The following ANO6 variants were observed in gnomAD, a reference collection of about 807,000 sequenced individuals.
ANO6 encodes anoctamin 6.
Under a neutral mutation model 117.5 loss-of-function variants are expected in ANO6, and 106 were observed. The ratio of observed to expected loss-of-function variants is 0.90; its 90% CI spans 0.77 to 1.06. The LOEUF (loss-of-function observed/expected upper bound fraction) is 1.06, where lower values mean the gene tolerates loss of function less well. Among genes scored for constraint, ANO6 ranks in the 50% least tolerant of loss-of-function variants. ANO6 has a pLI of 0.00. For missense variants in ANO6, 955 were observed against 1,121.1 expected, an observed-to-expected ratio of 0.85 and a Z score of 2.12; for synonymous variants, 367 against 385.1, an observed-to-expected ratio of 0.95 and a Z score of 0.55.
chr12:45,410,124 G>C (rs1421413936), intron 16 of ANO6, among the ~76,000 whole-genome samples: 4 of 151,636 alleles, frequency 2.6e-5, no homozygotes, highest in Admixed American at 2.0e-4. Context: ...ACTGTAATTA[G>C]ATGTGATTCA....
chr12:45,261,292 C>T (rs1192226734), intron 1 of ANO6, among the ~76,000 whole-genome samples: 2 of 152,208 alleles, frequency 1.3e-5, no homozygotes, highest in Non-Finnish European at 2.9e-5. Flanking sequence ...TCTTCCCATT[C>T]TCCTATGATG....
intron 2 of ANO6, among the ~76,000 whole-genome samples, chr12:45,326,011 C>T (rs1039174335): frequency 1.3e-5 from 2 of 152,078 alleles, no homozygotes; most frequent in Non-Finnish European, 2.9e-5. Context: ...TACTGAAAAT[C>T]CTATGAGAAC....
At chr12:45,381,932 T>C (rs1413962320) in intron 10 of ANO6, among the ~76,000 whole-genome samples, 1 of 151,938 alleles carries the variant, frequency 6.6e-6, no homozygotes, top group African/African-American at 2.4e-5. Flanking sequence ...AGATAGATAC[T>C]AGATAGGTAC....
intron 1 of ANO6, among the ~76,000 whole-genome samples, chr12:45,285,705 G>A (rs7310046): frequency 0.84 from 125,586 of 149,772 alleles, 53,817 homozygotes; most frequent in Non-Finnish European, 0.94. Context: ...CTCCAGCCTA[G>A]CAACAGAACA....
intron 1 of ANO6, among the ~76,000 whole-genome samples, chr12:45,264,588 A>G (rs748388721): frequency 1.3e-5 from 2 of 152,352 alleles, no homozygotes; most frequent in Non-Finnish European, 2.9e-5. Context: ...GATGATTAAT[A>G]TTGAGAGTAG....
intron 1 of ANO6, among the ~76,000 whole-genome samples, chr12:45,247,146 A>G (rs928091979): frequency 2.6e-5 from 4 of 151,938 alleles, no homozygotes; most frequent in African/African-American, 4.8e-5. Context: ...GGCTGGTCTC[A>G]AACTCCTGAC....
downstream of ANO6, among the ~76,000 whole-genome samples, chr12:45,436,263 C>A (rs1481032762): frequency 1.3e-5 from 2 of 152,202 alleles, no homozygotes; most frequent in African/African-American, 2.4e-5. Context: ...CCAATCAGGG[C>A]ATAGCTGAAG....
intron 3 of ANO6, among the ~76,000 whole-genome samples, chr12:45,337,991 C>T (rs983417554): frequency 1.3e-5 from 2 of 151,832 alleles, no homozygotes; most frequent in Non-Finnish European, 2.9e-5. Context: ...TAATTAAAGA[C>T]TAAATCAGGG....
intron 19 of ANO6, among the ~76,000 whole-genome samples, chr12:45,427,753 A>T (rs996609418): frequency 6.6e-6 from 1 of 150,850 alleles, no homozygotes; most frequent in Non-Finnish European, 1.5e-5. Context: ...AAAAAAAAAA[A>T]GCCTGATCCA....
At chr12:45,262,598 AT>A (rs1051473414) in intron 1 of ANO6, among the ~76,000 whole-genome samples, 26 of 151,852 alleles carry the variant, frequency 1.7e-4, no homozygotes, top group Non-Finnish European at 3.2e-4. Context: ...CTAATTTTGT[AT>A]TTTTAGTAGA....
At chr12:45,342,693 C>T (rs1352126722) in intron 3 of ANO6, among the ~76,000 whole-genome samples, 1 of 152,160 alleles carries the variant, frequency 6.6e-6, no homozygotes, top group East Asian at 1.9e-4. Flanking sequence ...TCAGTTTATT[C>T]ATTCATCAGA....
intron 2 of ANO6, among the ~76,000 whole-genome samples, chr12:45,328,256 C>G (rs1940538700): frequency 6.6e-6 from 1 of 152,114 alleles, no homozygotes; most frequent in African/African-American, 2.4e-5. Flanking sequence ...TGTGGCTCCC[C>G]TGTGTGTCCA....
At chr12:45,428,215 A>G (rs373926954) in intron 19 of ANO6, among the ~76,000 whole-genome samples, 2 of 152,242 alleles carry the variant, frequency 1.3e-5, no homozygotes, top group African/African-American at 2.4e-5. Flanking sequence ...ATGCCTGTTC[A>G]TAGGGGAACA....
intron 16 of ANO6, among the ~76,000 whole-genome samples, chr12:45,411,400 A>T (rs1199699383): frequency 6.6e-6 from 1 of 152,188 alleles, no homozygotes; most frequent in Admixed American, 6.5e-5. Context: ...GACTTAGAAA[A>T]CTTGATTTCT....
chr12:45,347,383 G>A (rs909251285), intron 4 of ANO6: 12 of 370,956 alleles, frequency 3.2e-5, no homozygotes, highest in Admixed American at 4.2e-5. Flanking sequence ...AATAGTTTAT[G>A]GTAAAAAATT....
At chr12:45,314,997 A>C (rs1447381554) in intron 2 of ANO6, among the ~76,000 whole-genome samples, 2 of 151,954 alleles carry the variant, frequency 1.3e-5, no homozygotes, top group African/African-American at 4.8e-5. Context: ...TGATCTTGGG[A>C]AGTGGGAGGA....
At chr12:45,253,737 C>T (rs1937708952) in intron 1 of ANO6, among the ~76,000 whole-genome samples, 1 of 152,220 alleles carries the variant, frequency 6.6e-6, no homozygotes, top group Non-Finnish European at 1.5e-5. Context: ...GCTTAGATTA[C>T]ATCCAAAGTT....
chr12:45,291,801 A>G (rs1382530716), intron 1 of ANO6, among the ~76,000 whole-genome samples: 1 of 152,202 alleles, frequency 6.6e-6, no homozygotes, highest in Non-Finnish European at 1.5e-5. Context: ...TTAATCAAAT[A>G]AGAGCACACA....
At position 45,227,623 on chromosome 12, in the gene ANO6, C is replaced by CT. The variant is rs199563952; in HGVS notation, c.70+11242dup. 1.6e-3 allele frequency among the ~76,000 whole-genome samples: 238 copies of CT among 148,404 alleles called. 1 individual carries two copies. Among genetic ancestry groups the CT allele is most frequent in the Admixed American group, 4.5e-3 (67 of 14,862 alleles). ...CTCATAATAAATTCTTTTTCTTTTTCTTTTTTTTTTAGATAAAACTGTCAT... is the reference window on the plus strand; with the variant it reads ...CTCATAATAAATTCTTTTTCTTTTTCTTTTTTTTTTTAGATAAAACTGTCAT... On this transcript the variant is annotated intron_variant, in intron 1 of 19. Coordinates refer to ENST00000320560, the MANE Select transcript of ANO6 (RefSeq NM_001025356.3).
Sources: allele counts gnomAD v4.1 joint callset (sites outside exome capture counted in the v4.1 genomes callset), GRCh38; gene constraint gnomAD v4.1.1; transcripts MANE v1.5; gene names NCBI Gene and HGNC (gene_info 2026-07-23, HGNC 2026-07-21).